CMSS1: variants seen among roughly 807,000 people sequenced by gnomAD.
CMSS1 encodes the protein cms1 ribosomal small subunit homolog.
Under a neutral mutation model 43.5 loss-of-function variants are expected in CMSS1, and 33 were observed. The observed-to-expected ratio is 0.76, with a 90% CI of 0.57 to 1.01. The LOEUF is 1.01. Ranked by LOEUF, CMSS1 falls within the 50% of genes least tolerant of loss-of-function variation. The pLI, the probability that CMSS1 is intolerant of heterozygous loss-of-function variation, is 0.00. For missense variants in CMSS1, 313 were observed against 326.4 expected (o/e 0.96, Z 0.32); for synonymous variants, 115 against 117.2 (o/e 0.98, Z 0.12).
intron 1 of CMSS1, among the ~76,000 whole-genome samples, chr3:100,114,668 G>T (rs921339440): frequency 6.6e-6 from 1 of 152,068 alleles, no homozygotes; most frequent in African/African-American, 2.4e-5. Context: ...GCACAACCTG[G>T]GTCCCATTCT....
chr3:100,176,142 G>A (rs2067146330), intron 8 of CMSS1, 185 bp from the exon 9 acceptor site: 8 of 514,182 alleles, frequency 1.6e-5, no homozygotes, highest in Non-Finnish European at 2.4e-5. Context: ...ATGATAAGAA[G>A]AGCAAGTCTC....
rs1198308547 is a variant in CMSS1, at chr3:99,910,447, A to G, written c.64+92404A>G. 1.5e-5 allele frequency among the ~76,000 whole-genome samples: 2 copies of G among 136,116 alleles called. 1 individual carries two copies. Among genetic ancestry groups the G allele is most frequent in the Non-Finnish European group, 3.4e-5 (2 of 59,554 alleles). The allele number at this position is 136,116 out of a possible 152,430, so 89.3% of individuals were successfully genotyped here. A position where few individuals can be genotyped will look rare whatever the true frequency, so the allele number is the denominator to read the frequency against. ...GTGAAATGTTTCATTTCTTTAATAA[A>G]TCTTCCTATCACTGAGAGCTTTTAA... On this transcript the variant is annotated intron_variant, in intron 1 of 9. Coordinates refer to ENST00000421999, the MANE Select transcript of CMSS1 (RefSeq NM_032359.4).
At chr3:99,848,516 C>T (rs1239417708) in intron 1 of CMSS1, 4 of 1,614,208 alleles carry the variant, frequency 2.5e-6, no homozygotes, top group South Asian at 2.2e-5. Context: ...GTAGTTATCA[C>T]ACTTGAGCTA....
intron 1 of CMSS1, chr3:99,848,857 CCA>C: frequency 6.2e-7 from 1 of 1,613,958 alleles, no homozygotes; most frequent in Non-Finnish European, 8.5e-7. Flanking sequence ...CTTTGGCGTG[CCA>C]CAGTTCGGTA....
chr3:99,917,226 T>G (rs1003848116), intron 1 of CMSS1, among the ~76,000 whole-genome samples: 1 of 152,200 alleles, frequency 6.6e-6, no homozygotes, highest in African/African-American at 2.4e-5. Context: ...ATCTCCTTTT[T>G]GCCTGATCTT....
chr3:99,882,124 T>G (rs976655406), intron 1 of CMSS1, among the ~76,000 whole-genome samples: 2 of 152,198 alleles, frequency 1.3e-5, no homozygotes, highest in Admixed American at 6.5e-5. Flanking sequence ...ACTTCAAGAC[T>G]CATTGAAATG....
chr3:100,137,877 T>C (rs1029489273), intron 1 of CMSS1, among the ~76,000 whole-genome samples: 1 of 152,172 alleles, frequency 6.6e-6, no homozygotes, highest in African/African-American at 2.4e-5. Context: ...CATGTAACAT[T>C]TTTTAAAACA....
intron 1 of CMSS1, among the ~76,000 whole-genome samples, chr3:100,126,794 C>G (rs2066666365): frequency 6.6e-6 from 1 of 152,068 alleles, no homozygotes; most frequent in South Asian, 2.1e-4. Flanking sequence ...GTCAGGAGAT[C>G]GAGACCATCC....
chr3:100,170,477 G>A (rs536048058), intron 6 of CMSS1, among the ~76,000 whole-genome samples: 1 of 152,236 alleles, frequency 6.6e-6, no homozygotes, highest in South Asian at 2.1e-4. Flanking sequence ...CCCAACTGGG[G>A]GCCTGCACTT....
chr3:100,038,213 C>T lies in CMSS1; in HGVS notation c.65-108760C>T, dbSNP rs1575973592. 2.0e-5 allele frequency among the ~76,000 whole-genome samples: 3 copies of T among 152,260 alleles called. No individual in the cohort carries two copies. The South Asian group carries it at 6.2e-4, about 32-fold the overall frequency. ...TCAGGTGATCCAGCTGCCCTGGCCT[C>T]CCAAAGTGCTGTGATTACAGGCGTG... On this transcript the variant is annotated intron_variant, in intron 1 of 9. Transcript: ENST00000421999.
In CMSS1 at chr3:99,996,439, T is replaced by C. The variant is rs532104208; in HGVS notation, c.65-150534T>C. 2.6e-5 allele frequency among the ~76,000 whole-genome samples: 4 copies of C among 152,304 alleles called. No homozygotes were observed. In the South Asian group the frequency reaches 8.3e-4, roughly 32 times the overall value. On this transcript the variant is annotated intron_variant, in intron 1 of 9. Transcript: ENST00000421999. Reference sequence around the variant, plus strand: ...TTTCCCACATTTTCCTGTCTTCTTCTGAGCCCTCCAAACTGTTCCAACCTC... The same window carrying C: ...TTTCCCACATTTTCCTGTCTTCTTCCGAGCCCTCCAAACTGTTCCAACCTC...
chr3:99,829,246 T>C (rs918796443), intron 1 of CMSS1, among the ~76,000 whole-genome samples: 49 of 152,152 alleles, frequency 3.2e-4, no homozygotes, highest in African/African-American at 1.1e-3. Context: ...CCCCCCTCGA[T>C]TGAAGCTTTT....
intron 1 of CMSS1, among the ~76,000 whole-genome samples, chr3:100,017,672 C>T (rs879280130): frequency 6.6e-6 from 1 of 152,162 alleles, no homozygotes; most frequent in Non-Finnish European, 1.5e-5. Flanking sequence ...CACCTGTAGT[C>T]CCAGCACTTT....
chr3:100,054,477 A>G (rs1035711080), intron 1 of CMSS1, among the ~76,000 whole-genome samples: 33 of 138,180 alleles, frequency 2.4e-4, no homozygotes, highest in African/African-American at 5.6e-4. Flanking sequence ...CGTTCATTAT[A>G]TTATGTTATG....
intron 1 of CMSS1, among the ~76,000 whole-genome samples, chr3:99,879,201 C>T (rs1705638356): frequency 6.6e-6 from 1 of 152,152 alleles, no homozygotes; most frequent in South Asian, 2.1e-4. Context: ...AGAAATTTTT[C>T]TACCAAGTTC....
chr3:100,004,318 A>G (rs1709927460), intron 1 of CMSS1, among the ~76,000 whole-genome samples: 1 of 152,212 alleles, frequency 6.6e-6, no homozygotes, highest in Admixed American at 6.5e-5. Flanking sequence ...AACATTGTGT[A>G]TAATGGTAGC....
chr3:99,946,829 T>C (rs1168172956), intron 1 of CMSS1, among the ~76,000 whole-genome samples: 4 of 152,144 alleles, frequency 2.6e-5, no homozygotes, highest in Non-Finnish European at 4.4e-5. Flanking sequence ...GGCTCTATAC[T>C]ACAAAGTACC....
intron 1 of CMSS1, among the ~76,000 whole-genome samples, chr3:100,003,381 T>C (rs757901872): frequency 6.6e-6 from 1 of 152,206 alleles, no homozygotes; most frequent in Non-Finnish European, 1.5e-5. Context: ...CCTTACGTGG[T>C]TGTTTTGTCT....
chr3:99,936,816 T>C (rs1707690676), intron 1 of CMSS1, among the ~76,000 whole-genome samples: 1 of 152,056 alleles, frequency 6.6e-6, no homozygotes, highest in African/African-American at 2.4e-5. Flanking sequence ...TAAAAAGATA[T>C]ACATAGTAAA....
Sources: allele counts gnomAD v4.1 joint callset (sites outside exome capture counted in the v4.1 genomes callset), GRCh38; gene constraint gnomAD v4.1.1; transcripts MANE v1.5; gene names NCBI Gene and HGNC (gene_info 2026-07-23, HGNC 2026-07-21).